CCSER1: variants seen among roughly 807,000 people sequenced by gnomAD.
CCSER1 encodes the protein serine-rich coiled-coil domain-containing protein 1.
In CCSER1, 41 loss-of-function variants were observed where a neutral mutation model predicts 82.0. The ratio of observed to expected loss-of-function variants is 0.50; its 90% CI spans 0.39 to 0.65. CCSER1 has a LOEUF of 0.65. Among genes scored for constraint, CCSER1 ranks in the 30% least tolerant of loss-of-function variants. CCSER1 has a pLI of 0.00. For missense variants in CCSER1, 1,119 were observed against 1,064.2 expected, an observed-to-expected ratio of 1.05 and a Z score of -0.72; for synonymous variants, 414 against 383.9, an observed-to-expected ratio of 1.08 and a Z score of -0.92.
At chr4:90,941,929 A>AT (rs1008849829) in intron 9 of CCSER1, among the ~76,000 whole-genome samples, 19 of 148,984 alleles carry the variant, frequency 1.3e-4, no homozygotes, top group South Asian at 2.1e-4. Context: ...CCTGTCTTCT[A>AT]TTTTTTTTTC....
intron 6 of CCSER1, among the ~76,000 whole-genome samples, chr4:90,682,695 G>A: frequency 6.6e-6 from 1 of 151,884 alleles, no homozygotes; most frequent in African/African-American, 2.4e-5. Context: ...TTCTTGTTGT[G>A]CACTAATAAT....
chr4:90,344,359 A>T (rs1386579625), intron 3 of CCSER1, among the ~76,000 whole-genome samples: 1 of 152,140 alleles, frequency 6.6e-6, no homozygotes, highest in Non-Finnish European at 1.5e-5. Context: ...TCTTCTCCTA[A>T]AGTGCTGTGT....
chr4:90,144,497 A>C (rs1285206480), intron 1 of CCSER1, among the ~76,000 whole-genome samples: 1 of 152,202 alleles, frequency 6.6e-6, no homozygotes, highest in Non-Finnish European at 1.5e-5. Context: ...TGAGGTGTTT[A>C]TGAATGTGGA....
chr4:90,491,511 T>C (rs1044179634), intron 5 of CCSER1, among the ~76,000 whole-genome samples: 6 of 152,132 alleles, frequency 3.9e-5, no homozygotes, highest in African/African-American at 1.2e-4. Flanking sequence ...CCTTTATTTC[T>C]TTCTCCTGCC....
At chr4:90,905,408 T>A (rs548560216) in intron 8 of CCSER1, among the ~76,000 whole-genome samples, 1 of 151,198 alleles carries the variant, frequency 6.6e-6, no homozygotes, top group East Asian at 2.0e-4. Context: ...TAAGAAAAAA[T>A]GCATATACTC....
At chr4:90,468,196 A>C in intron 4 of CCSER1, 38 bp from the exon 5 acceptor site, 1 of 1,558,554 alleles carries the variant, frequency 6.4e-7, no homozygotes, top group East Asian at 2.3e-5. Flanking sequence ...GTTCATAAAT[A>C]ATTTTGACAT....
chr4:90,659,243 C>A (rs910045935), intron 6 of CCSER1, among the ~76,000 whole-genome samples: 1 of 152,090 alleles, frequency 6.6e-6, no homozygotes, highest in Non-Finnish European at 1.5e-5. Flanking sequence ...CTGAAGAAAG[C>A]AACAAATAAT....
intron 9 of CCSER1, among the ~76,000 whole-genome samples, chr4:91,036,089 T>A (rs923747589): frequency 3.3e-5 from 5 of 152,162 alleles, no homozygotes; most frequent in Non-Finnish European, 5.9e-5. Context: ...GATGCTTCAT[T>A]GTCAAAGATT....
intron 10 of CCSER1, among the ~76,000 whole-genome samples, chr4:91,170,115 G>C (rs1216732398): frequency 2.0e-5 from 3 of 152,114 alleles, no homozygotes; most frequent in African/African-American, 7.2e-5. Context: ...AAATATAAAA[G>C]CTGGGAGGAG....
At chr4:91,101,996 G>A (rs1184464743) in intron 10 of CCSER1, among the ~76,000 whole-genome samples, 1 of 152,002 alleles carries the variant, frequency 6.6e-6, no homozygotes, top group South Asian at 2.1e-4. Flanking sequence ...CCCAAAGCAG[G>A]ATTTTCCTCA....
At chr4:90,773,134 G>A (rs1752444793) in intron 7 of CCSER1, among the ~76,000 whole-genome samples, 1 of 152,144 alleles carries the variant, frequency 6.6e-6, no homozygotes, top group African/African-American at 2.4e-5. Flanking sequence ...TAGCTACTCA[G>A]GGGGCTGAGG....
At chr4:91,567,243 A>G (rs1461107571) in intron 10 of CCSER1, among the ~76,000 whole-genome samples, 2 of 151,968 alleles carry the variant, frequency 1.3e-5, no homozygotes, top group Non-Finnish European at 2.9e-5. Flanking sequence ...ATGATCTGAG[A>G]GTATGTTTGG....
intron 1 of CCSER1, among the ~76,000 whole-genome samples, chr4:90,277,332 A>G (rs1391754391): frequency 1.3e-5 from 2 of 152,214 alleles, no homozygotes; most frequent in Non-Finnish European, 2.9e-5. Flanking sequence ...TGAAGTTAAA[A>G]GAGAGCCTGA....
chr4:91,346,628 T>C (rs980389447), intron 10 of CCSER1, among the ~76,000 whole-genome samples: 1 of 152,220 alleles, frequency 6.6e-6, no homozygotes, highest in Non-Finnish European at 1.5e-5. Context: ...TCTCCTTTTG[T>C]TTCACATCTT....
chr4:90,354,220 C>T (rs1178166490), intron 3 of CCSER1, among the ~76,000 whole-genome samples: 1 of 152,102 alleles, frequency 6.6e-6, no homozygotes, highest in Non-Finnish European at 1.5e-5. Flanking sequence ...TATGATCTCA[C>T]TTATTTGTGG....
chr4:90,996,162 A>G (rs970398387), intron 9 of CCSER1, among the ~76,000 whole-genome samples: 3 of 152,104 alleles, frequency 2.0e-5, no homozygotes, highest in Non-Finnish European at 4.4e-5. Flanking sequence ...CACATGCACT[A>G]ATATAAAATT....
At chr4:91,214,085 C>T (rs1737049167) in intron 10 of CCSER1, among the ~76,000 whole-genome samples, 1 of 152,086 alleles carries the variant, frequency 6.6e-6, no homozygotes, top group Non-Finnish European at 1.5e-5. Context: ...ACTCCTGTGC[C>T]TTTTGCCTCC....
intron 1 of CCSER1, among the ~76,000 whole-genome samples, chr4:90,151,950 GA>G (rs1444559585): frequency 6.6e-6 from 1 of 151,940 alleles, no homozygotes; most frequent in Non-Finnish European, 1.5e-5. Flanking sequence ...ACTATAAAGT[GA>G]ATATAAAAAA....
At chr4:90,317,036 A>T (rs1736296733) in intron 3 of CCSER1, among the ~76,000 whole-genome samples, 1 of 152,204 alleles carries the variant, frequency 6.6e-6, no homozygotes, top group South Asian at 2.1e-4. Flanking sequence ...AAAATTTAAA[A>T]TGCTGTTCTA....
Sources: allele counts gnomAD v4.1 joint callset (sites outside exome capture counted in the v4.1 genomes callset), GRCh38; gene constraint gnomAD v4.1.1; transcripts MANE v1.5; gene names NCBI Gene and HGNC (gene_info 2026-07-23, HGNC 2026-07-21).